Variants in TBC1D4 observed in about 807,000 individuals in gnomAD.
TBC1D4 encodes the protein TBC1 domain family member 4, also known as TBC (Tre-2, BUB2, CDC16) domain-containing protein.
A neutral mutation model predicts 142.5 loss-of-function variants in TBC1D4; 121 were observed. The observed-to-expected ratio is 0.85, with a 90% CI of 0.73 to 0.99. The LOEUF is 0.99. Among genes scored for constraint, TBC1D4 ranks in the 50% least tolerant of loss-of-function variants. TBC1D4 has a pLI of 0.00. For synonymous variants in TBC1D4, 630 were observed against 628.2 expected (o/e 1.00, Z -0.04); for missense variants, 1,475 against 1,606.6 (o/e 0.92, Z 1.40).
intron 1 of TBC1D4, among the ~76,000 whole-genome samples, chr13:75,433,046 A>G (rs1229538039): frequency 6.6e-6 from 1 of 152,120 alleles, no homozygotes; most frequent in Non-Finnish European, 1.5e-5. Context: ...AAAATACACA[A>G]TACAAAAGAG....
At chr13:75,319,412 C>A (rs1460424446) in intron 12 of TBC1D4, among the ~76,000 whole-genome samples, 1 of 152,026 alleles carries the variant, frequency 6.6e-6, no homozygotes, top group East Asian at 1.9e-4. Context: ...AGATGTTCAC[C>A]ACAAAAAAAG....
At chr13:75,292,646 T>C (rs960935017) in intron 18 of TBC1D4, among the ~76,000 whole-genome samples, 1 of 151,434 alleles carries the variant, frequency 6.6e-6, no homozygotes, top group South Asian at 2.1e-4. Context: ...AACCAATGAG[T>C]ACTATTCAAA....
At chr13:75,361,147 T>C (rs1358107270) in intron 2 of TBC1D4, among the ~76,000 whole-genome samples, 1 of 152,206 alleles carries the variant, frequency 6.6e-6, no homozygotes, top group East Asian at 1.9e-4. Flanking sequence ...GAATGATCTT[T>C]TATACCAATA....
intron 12 of TBC1D4, chr13:75,316,540 A>G (rs1878332878): frequency 6.6e-6 from 1 of 152,220 alleles, no homozygotes; most frequent in Admixed American, 6.5e-5. Flanking sequence ...GGTTGCTGAG[A>G]TATGGCAAAA....
At chr13:75,455,346 T>C (rs1041096196) in intron 1 of TBC1D4, among the ~76,000 whole-genome samples, 1 of 152,290 alleles carries the variant, frequency 6.6e-6, no homozygotes, top group South Asian at 2.1e-4. Context: ...CCAGTCCTAT[T>C]TGTGCTTACT....
chr13:75,352,143 C>T (rs1881654472), intron 4 of TBC1D4, among the ~76,000 whole-genome samples: 1 of 152,170 alleles, frequency 6.6e-6, no homozygotes. Flanking sequence ...ATGATTTAAA[C>T]ATGCAGATTG....
chr13:75,424,384 T>C (rs4483746), intron 1 of TBC1D4, among the ~76,000 whole-genome samples: 23,301 of 151,912 alleles, frequency 0.15, 3,568 homozygotes, highest in African/African-American at 0.39. Context: ...TAATATTGTA[T>C]TTTTTGATGT....
intron 12 of TBC1D4, among the ~76,000 whole-genome samples, chr13:75,317,457 G>A (rs1015529916): frequency 6.6e-5 from 10 of 152,004 alleles, no homozygotes; most frequent in Admixed American, 3.3e-4. Flanking sequence ...ATTCCAAAAT[G>A]TATACACTTT....
chr13:75,415,598 CTTTAA>C (rs1248373434), intron 1 of TBC1D4, among the ~76,000 whole-genome samples: 2 of 152,192 alleles, frequency 1.3e-5, no homozygotes, highest in Non-Finnish European at 2.9e-5. Context: ...GATTCTGTTG[CTTTAA>C]TTTATTTAGA....
intron 1 of TBC1D4, among the ~76,000 whole-genome samples, chr13:75,395,585 C>T (rs1055160407): frequency 3.3e-5 from 5 of 152,110 alleles, no homozygotes; most frequent in Admixed American, 6.5e-5. Context: ...AATCCCAGCA[C>T]GTTGGAAGGA....
At chr13:75,432,560 G>A (rs1017234130) in intron 1 of TBC1D4, among the ~76,000 whole-genome samples, 4 of 152,304 alleles carry the variant, frequency 2.6e-5, no homozygotes, top group African/African-American at 9.6e-5. Flanking sequence ...ACCTGGAGGT[G>A]TGGGAATTTA....
rs933010892 is a variant in TBC1D4, at chr13:75,306,578, C to G, written c.2594-107G>C. On this transcript the variant is annotated intron_variant, in intron 14 of 20. Transcript: ENST00000377636. Reference sequence around the variant, plus strand: ...ATACCAAATGACTTTCAGGAATCAACTGGTAGTGTATCTCAAAAAGAAAAT... The same window carrying G: ...ATACCAAATGACTTTCAGGAATCAAGTGGTAGTGTATCTCAAAAAGAAAAT... 2.2e-6 allele frequency: 3 copies of G among 1,337,946 alleles called. No individual in the cohort carries two copies. The East Asian group carries it at 7.0e-5, about 31-fold the overall frequency. 82.9% of individuals were successfully genotyped at this position (1,337,946 alleles called of 1,614,324 possible). A position where few individuals can be genotyped will look rare whatever the true frequency, so the allele number is the denominator to read the frequency against.
Position 75,284,342 on chromosome 13 carries a change from G to A in TBC1D4, c.*2450C>T, listed in dbSNP as rs530443015. Among the ~76,000 whole-genome samples, 15 of 152,174 alleles carry A rather than the reference G, an allele frequency of 9.9e-5. No individual in the cohort carries two copies. In the East Asian group the frequency reaches 2.9e-3, roughly 29 times the overall value. On this transcript the variant is annotated 3_prime_UTR_variant, in exon 21 of 21. Transcript: ENST00000377636. Reference sequence around the variant, plus strand: ...ACTCACCATAATGTAGAATTAGTGGGAACCCTGACTGTTTTCCTGCAACTA... The same window carrying A: ...ACTCACCATAATGTAGAATTAGTGGAAACCCTGACTGTTTTCCTGCAACTA...
At chr13:75,429,434 AT>A (rs1886507456) in intron 1 of TBC1D4, among the ~76,000 whole-genome samples, 1 of 152,180 alleles carries the variant, frequency 6.6e-6, no homozygotes, top group Non-Finnish European at 1.5e-5. Flanking sequence ...CAGCAGAGTG[AT>A]TTGAGGTTGA....
intron 1 of TBC1D4, among the ~76,000 whole-genome samples, chr13:75,456,820 G>A (rs970513201): frequency 3.3e-5 from 5 of 150,512 alleles, no homozygotes; most frequent in Admixed American, 2.0e-4. Context: ...GATAGCCTAC[G>A]TCCACCAAAA....
At chr13:75,421,742 T>C (rs913685115) in intron 1 of TBC1D4, among the ~76,000 whole-genome samples, 48 of 152,284 alleles carry the variant, frequency 3.2e-4, no homozygotes, top group African/African-American at 1.1e-3. Context: ...TCCTTTAATA[T>C]TAAAAATAAC....
At chr13:75,459,944 C>G (rs1253421421) in intron 1 of TBC1D4, among the ~76,000 whole-genome samples, 1 of 152,050 alleles carries the variant, frequency 6.6e-6, no homozygotes, top group Admixed American at 6.6e-5. Context: ...AGATCAAGAC[C>G]ATCCTGGGTA....
chr13:75,356,787 G>T (rs1453896768), intron 3 of TBC1D4, among the ~76,000 whole-genome samples: 1 of 152,042 alleles, frequency 6.6e-6, no homozygotes, highest in African/African-American at 2.4e-5. Flanking sequence ...ATTATTGCAG[G>T]TGCCAATTAT....
intron 7 of TBC1D4, among the ~76,000 whole-genome samples, 193 bp from the exon 8 acceptor site, chr13:75,337,233 T>C (rs1880302558): frequency 6.6e-6 from 1 of 152,210 alleles, no homozygotes; most frequent in Non-Finnish European, 1.5e-5. Context: ...TCATATTGTA[T>C]GTAATAAAAA....
Sources: gnomAD v4.1 joint callset for allele counts (sites outside exome capture counted in the v4.1 genomes callset) on GRCh38, gnomAD v4.1.1 for gene constraint, MANE v1.5 for transcripts, NCBI Gene and HGNC (gene_info 2026-07-23, HGNC 2026-07-21) for gene names.